Variants in GRM8 observed in about 807,000 individuals in gnomAD.
GRM8 encodes the protein glutamate metabotropic receptor 8, also known as metabotropic glutamate receptor 8.
A neutral mutation model predicts 87.2 loss-of-function variants in GRM8; 47 were observed. The ratio of observed to expected loss-of-function variants is 0.54; its 90% CI spans 0.43 to 0.69. The LOEUF (loss-of-function observed/expected upper bound fraction) is 0.69, where lower values mean the gene tolerates loss of function less well. Ranked by LOEUF, GRM8 falls within the 30% of genes least tolerant of loss-of-function variation. The probability of loss-of-function intolerance (pLI) is 0.00; values close to 1 mark genes in which losing one functional copy is unlikely to be tolerated. For synonymous variants in GRM8, 396 were observed against 404.5 expected (o/e 0.98, Z 0.25); for missense variants, 1,019 against 1,139.2 (o/e 0.89, Z 1.52).
chr7:126,856,594 CATA>C (rs1352469635), intron 6 of GRM8, among the ~76,000 whole-genome samples: 1 of 152,160 alleles, frequency 6.6e-6, no homozygotes, highest in Non-Finnish European at 1.5e-5. Context: ...TGAATAAATT[CATA>C]ATATCTAGTC....
chr7:127,107,214 A>C (rs1210313969), intron 2 of GRM8, among the ~76,000 whole-genome samples: 1 of 152,172 alleles, frequency 6.6e-6, no homozygotes, highest in Non-Finnish European at 1.5e-5. Context: ...TTTTTAGTAA[A>C]TTATTGTAAA....
chr7:127,143,293 T>A (rs1190874780), intron 2 of GRM8, among the ~76,000 whole-genome samples: 1 of 152,164 alleles, frequency 6.6e-6, no homozygotes, highest in Non-Finnish European at 1.5e-5. Flanking sequence ...TAATAAATAG[T>A]CACTTCCAAT....
intron 7 of GRM8, among the ~76,000 whole-genome samples, chr7:126,729,434 G>A (rs148758238): frequency 6.6e-6 from 1 of 152,236 alleles, no homozygotes; most frequent in African/African-American, 2.4e-5. Context: ...AAAAATTAAG[G>A]CCATGTCGAT....
At chr7:126,819,758 A>G (rs1018769195) in intron 6 of GRM8, among the ~76,000 whole-genome samples, 11 of 152,124 alleles carry the variant, frequency 7.2e-5, no homozygotes, top group Non-Finnish European at 1.5e-4. Flanking sequence ...AAAAAACTAT[A>G]GAAATACTAG....
chr7:126,809,562 C>T (rs1376860979), intron 6 of GRM8, among the ~76,000 whole-genome samples: 1 of 152,132 alleles, frequency 6.6e-6, no homozygotes, highest in Middle Eastern at 3.2e-3. Context: ...GTAACACTCC[C>T]GTTCTGCCAG....
At chr7:126,845,280 T>C (rs184196921) in intron 6 of GRM8, among the ~76,000 whole-genome samples, 14 of 152,288 alleles carry the variant, frequency 9.2e-5, no homozygotes, top group Admixed American at 6.5e-4. Context: ...TGGAGAAAAA[T>C]AGTTCACGAA....
intron 7 of GRM8, among the ~76,000 whole-genome samples, chr7:126,744,728 A>G (rs1158141183): frequency 6.6e-6 from 1 of 151,928 alleles, no homozygotes; most frequent in East Asian, 1.9e-4. Context: ...TTATGAAAAT[A>G]CTCTTATGTT....
intron 7 of GRM8, among the ~76,000 whole-genome samples, chr7:126,616,092 A>G (rs1799460473): frequency 6.6e-6 from 1 of 152,110 alleles, no homozygotes; most frequent in Non-Finnish European, 1.5e-5. Context: ...GCACCACATC[A>G]CACTTATTCC....
chr7:127,019,347 T>C (rs1283872047), intron 3 of GRM8, among the ~76,000 whole-genome samples: 2 of 152,020 alleles, frequency 1.3e-5, no homozygotes. Context: ...CTCAAGACCA[T>C]CTGAGAAGGT....
At chr7:126,931,788 T>A (rs1488941452) in intron 3 of GRM8, among the ~76,000 whole-genome samples, 2 of 152,166 alleles carry the variant, frequency 1.3e-5, no homozygotes, top group African/African-American at 4.8e-5. Flanking sequence ...TCTAGACAAA[T>A]GCCTCAGCCA....
At chr7:126,450,588 C>A (rs1802508604) in intron 9 of GRM8, among the ~76,000 whole-genome samples, 1 of 151,680 alleles carries the variant, frequency 6.6e-6, no homozygotes, top group African/African-American at 2.4e-5. Context: ...TTTTTAGCAG[C>A]CAATGGACTT....
chr7:127,181,564 CT>C (rs202178308), intron 2 of GRM8, among the ~76,000 whole-genome samples: 2,464 of 152,174 alleles, frequency 0.016, 71 homozygotes, highest in African/African-American at 0.055. Flanking sequence ...AAGAATACAT[CT>C]GGAGGCATCA....
At chr7:127,235,707 C>G (rs17866958) in intron 2 of GRM8, among the ~76,000 whole-genome samples, 2,048 of 152,290 alleles carry the variant, frequency 0.013, 50 homozygotes, top group African/African-American at 0.046. Flanking sequence ...TTAAAACATA[C>G]CAATGCAGGG....
chr7:126,710,755 C>T (rs59894857), intron 7 of GRM8, among the ~76,000 whole-genome samples: 6,850 of 152,232 alleles, frequency 0.045, 556 homozygotes, highest in African/African-American at 0.16. Context: ...ATTTTGGGCT[C>T]CTTCCATTAA....
intron 2 of GRM8, among the ~76,000 whole-genome samples, chr7:127,237,650 G>T (rs1196239134): frequency 1.3e-5 from 2 of 152,100 alleles, no homozygotes; most frequent in Non-Finnish European, 1.5e-5. Flanking sequence ...ACCCACAAAT[G>T]GATTTCTATT....
chr7:126,681,590 T>A (rs1000439184), intron 7 of GRM8, among the ~76,000 whole-genome samples: 3 of 152,240 alleles, frequency 2.0e-5, no homozygotes, highest in Admixed American at 6.5e-5. Context: ...CTTGGAGATT[T>A]GAGGGTTCTC....
chr7:126,764,065 A>C (rs1337732221), intron 7 of GRM8, among the ~76,000 whole-genome samples: 1 of 151,934 alleles, frequency 6.6e-6, no homozygotes. Context: ...TAATGTTCTA[A>C]TATTAATGTT....
intron 7 of GRM8, among the ~76,000 whole-genome samples, chr7:126,716,256 C>G (rs1193032239): frequency 6.7e-6 from 1 of 149,864 alleles, no homozygotes; most frequent in Admixed American, 6.6e-5. Context: ...TAGTCAGGGT[C>G]TTAGACTCCT....
chr7:126,536,934 G>A (rs144028456), intron 8 of GRM8, among the ~76,000 whole-genome samples: 34 of 152,034 alleles, frequency 2.2e-4, no homozygotes, highest in African/African-American at 8.0e-4. Context: ...ACCACATGTC[G>A]GAAGCTTTAA....
Sources: gnomAD v4.1 joint callset for allele counts (sites outside exome capture counted in the v4.1 genomes callset) on GRCh38, gnomAD v4.1.1 for gene constraint, MANE v1.5 for transcripts, NCBI Gene and HGNC (gene_info 2026-07-23, HGNC 2026-07-21) for gene names.